MUC12: variants seen among roughly 807,000 people sequenced by gnomAD.
MUC12 encodes mucin-12.
In MUC12, 172 loss-of-function variants were observed where a neutral mutation model predicts 230.8. The observed-to-expected ratio is 0.75, with a 90% CI of 0.66 to 0.85. The LOEUF (loss-of-function observed/expected upper bound fraction) is 0.85. Among genes scored for constraint, MUC12 ranks in the 40% least tolerant of loss-of-function variants. The probability of loss-of-function intolerance (pLI) is 0.00; values close to 1 mark genes in which losing one functional copy is unlikely to be tolerated. For missense variants in MUC12, 3,506 were observed against 5,920.6 expected, an observed-to-expected ratio of 0.59 and a Z score of 13.38; for synonymous variants, 1,259 against 2,401.9, an observed-to-expected ratio of 0.52 and a Z score of 13.91.
At chr7:100,986,316 G>C (rs1019270327) in intron 1 of MUC12, among the ~76,000 whole-genome samples, 2 of 151,796 alleles carry the variant, frequency 1.3e-5, no homozygotes, top group African/African-American at 4.8e-5. Context: ...AGTTACTCCA[G>C]CCTAGAAGTA....
intron 9 of MUC12, among the ~76,000 whole-genome samples, 163 bp from the exon 10 acceptor site, chr7:101,015,452 G>A (rs1584848736): frequency 6.6e-6 from 1 of 152,198 alleles, no homozygotes; most frequent in East Asian, 1.9e-4. Context: ...TGGTAGAAGG[G>A]AAGCCATGGT....
intron 9 of MUC12, among the ~76,000 whole-genome samples, chr7:101,014,713 A>G (rs954973859): frequency 7.9e-5 from 12 of 152,054 alleles, no homozygotes; most frequent in African/African-American, 2.9e-4. Flanking sequence ...CCTGACCTTG[A>G]GTGATCCACC....
At chr7:100,978,594 C>T (rs1793064610) in intron 1 of MUC12, among the ~76,000 whole-genome samples, 2 of 152,116 alleles carry the variant, frequency 1.3e-5, no homozygotes, top group African/African-American at 4.8e-5. Context: ...GGGGGCTCCC[C>T]ACACTGCCAC....
In MUC12 at chr7:100,991,839, G is replaced by T. The variant is rs764516777; in HGVS notation, c.1276G>T (p.Asp426Tyr). ...CTCAACTGAAACAACACACTTCCGT[G>T]ATAGCTCCACAATCTCAGGCCGTAG... ...LGSTETTHFRDSSTISGRSEE... is the reference protein window; with the variant it reads ...LGSTETTHFRYSSTISGRSEE... The change falls in exon 2 of 12, where the codon GAT (aspartate) becomes TAT (tyrosine). Residue 426 changes from aspartate (D) to tyrosine (Y), a missense_variant. Asp to Tyr is a radical substitution (Grantham distance 160). Transcript: ENST00000536621. 4.6e-6 allele frequency: 7 copies of T among 1,537,538 alleles called. No homozygotes were observed. Among genetic ancestry groups the T allele is most frequent in the Non-Finnish European group, 5.2e-6 (6 of 1,146,832 alleles).
intron 1 of MUC12, among the ~76,000 whole-genome samples, chr7:100,970,466 G>A (rs1286391052): frequency 4.3e-5 from 6 of 140,666 alleles, no homozygotes; most frequent in African/African-American, 1.1e-4. Context: ...CAGCCTGGGC[G>A]ATAAGAGCAA....
rs952823361 is a variant in MUC12 at position 100,991,435 on chromosome 7, C to T, written c.872C>T (p.Pro291Leu). ...WPSSKDTSPA[P>L]SGTTSAFVKL... The stretch of plus-strand genomic sequence containing the variant: ...AGCTCAAAGGACACTTCGCCTGCAC[C>T]TTCTGGTACCACATCAGCCTTTGTT... The change falls in exon 2 of 12, where the codon CCT becomes CTT. Residue 291 changes from proline (P) to leucine (L), a missense_variant. Transcript: ENST00000536621. 6.5e-6 allele frequency: 10 copies of T among 1,537,696 alleles called. No individual in the cohort carries two copies. The African/African-American group carries it at 9.6e-5, about 15-fold the overall frequency.
chr7:101,005,071 G>T lies in MUC12; in HGVS notation c.14508G>T (p.Val4836=), dbSNP rs1056894241. The change falls in exon 2 of 12, where the codon GTG becomes GTT. Residue 4836 remains valine, a synonymous_variant. Transcript: ENST00000536621. ...HSQPGSALST[V]SPASTTVPGL... ...AACCAGGCTCAGCTCTGTCAACAGT[G>T]TCACCTGCCAGCACCACAGTGCCAG... The T allele has an allele frequency of 6.5e-7, 1 of 1,537,710 alleles. No individual in the cohort carries two copies. The highest frequency in any genetic ancestry group is 8.7e-7 in the Non-Finnish European group (1 of 1,147,018).
chr7:100,990,235 T>C (rs1193021779), intron 1 of MUC12, among the ~76,000 whole-genome samples: 1 of 152,188 alleles, frequency 6.6e-6, no homozygotes, highest in Non-Finnish European at 1.5e-5. Context: ...CGGCATGAGA[T>C]TCTTCCAGGA....
Position 101,004,837 on chromosome 7 carries a change from A to C in MUC12, c.14274A>C (p.Thr4758=), listed in dbSNP as rs1332247150. ...PDQTLSPASM[T]SSSISGEPTS... ...AAACACTCTCACCTGCCAGCATGAC[A>C]AGCTCCAGCATCAGTGGAGAACCCA... Residue 4758 remains threonine, a synonymous_variant, in exon 2 of 12, where the codon ACA becomes ACC. Transcript: ENST00000536621. The C allele has an allele frequency of 6.5e-7, 1 of 1,537,158 alleles. No individual in the cohort carries two copies.
rs1375186186 is a variant in MUC12 at position 100,975,436 on chromosome 7, AG to A, written c.67+5751del. On this transcript the variant is annotated intron_variant, in intron 1 of 11. Coordinates refer to ENST00000536621, the MANE Select transcript of MUC12 (RefSeq NM_001164462.2). ...GAACAGATTGCTTCACAATAGACAA[AG>A]GGGCAACCTTTGAAACTCAAGTGAT... Among the ~76,000 whole-genome samples, 3 of 152,312 alleles carry A rather than the reference AG, an allele frequency of 2.0e-5. No homozygotes were observed. The East Asian group carries it at 5.8e-4, about 29-fold the overall frequency.
At position 100,977,856 on chromosome 7, in the gene MUC12, C is replaced by T. The variant is rs1375358153; in HGVS notation, c.67+8167C>T. On this transcript the variant is annotated intron_variant, in intron 1 of 11. Transcript: ENST00000536621. The stretch of plus-strand genomic sequence containing the variant: ...GTGCTGGGATTACAAGCGTGAGCCA[C>T]CGTGCCTGGCCAGCCTTTTCTAGCT... 2.6e-5 allele frequency among the ~76,000 whole-genome samples: 4 copies of T among 152,220 alleles called. No individual in the cohort carries two copies. The East Asian group carries it at 7.7e-4, about 29-fold the overall frequency.
intron 1 of MUC12, among the ~76,000 whole-genome samples, chr7:100,970,697 C>A (rs1190325885): frequency 6.6e-6 from 1 of 152,056 alleles, no homozygotes; most frequent in Non-Finnish European, 1.5e-5. Context: ...CATGGTGAAA[C>A]CCCAACTCCA....
chr7:101,005,955 GCCTA>G (rs1364801840), intron 2 of MUC12, among the ~76,000 whole-genome samples: 1 of 151,972 alleles, frequency 6.6e-6, no homozygotes, highest in African/African-American at 2.4e-5. Context: ...CCACCACCAT[GCCTA>G]CCTAATTTTT....
intron 9 of MUC12, chr7:101,014,299 T>A: frequency 2.3e-6 from 1 of 438,718 alleles, no homozygotes; most frequent in Non-Finnish European, 4.0e-6. Context: ...TGTGCTATTA[T>A]AACAGAATAC....
rs1412032808 is a variant in MUC12 at position 101,006,552 on chromosome 7, C to T, written c.15038C>T (p.Pro5013Leu). 5.9e-6 allele frequency: 9 copies of T among 1,536,842 alleles called. No individual in the cohort carries two copies. Among genetic ancestry groups the T allele is most frequent in the Non-Finnish European group, 7.8e-6 (9 of 1,146,550 alleles). ...QGYVGYQCLS[P>L]LESFPVETPE... ...TACGTTGGTTACCAGTGCTTGTCCCCTCTGGAATCCTTCCCTGTAGGTAAT... is the reference window on the plus strand; with the variant it reads ...TACGTTGGTTACCAGTGCTTGTCCCTTCTGGAATCCTTCCCTGTAGGTAAT... Residue 5013 changes from proline to leucine, a missense_variant, in exon 3 of 12, where the codon CCT (proline) becomes CTT (leucine). Physicochemically the swap from Pro to Leu is moderately conservative, Grantham distance 98 (BLOSUM62 -3). Coordinates refer to ENST00000536621, the MANE Select transcript of MUC12 (RefSeq NM_001164462.2).
In MUC12 at chr7:100,990,987, A is replaced by G. The variant is rs1182935803; in HGVS notation, c.424A>G (p.Ser142Gly). 3 of 1,537,918 alleles carry G rather than the reference A, an allele frequency of 2.0e-6. No individual in the cohort carries two copies. Among genetic ancestry groups the G allele is most frequent in the Non-Finnish European group, 2.6e-6 (3 of 1,147,054 alleles). The change falls in exon 2 of 12, where the codon AGT becomes GGT. Residue 142 changes from serine (S) to glycine (G), a missense_variant. Ser to Gly is a moderately conservative substitution (Grantham distance 56). Transcript: ENST00000536621. The part of the protein sequence containing the change: ...GLSEKSTTFY[S>G]SPRSPDRTLS... ...GAGTGAGAAATCTACCACCTTCTAC[A>G]GTAGCCCCAGATCACCAGACAGAAC...
chr7:101,013,120 C>T lies in MUC12; in HGVS notation c.15616C>T (p.Gln5206Ter). The change falls in exon 8 of 12, where the codon CAA becomes TAA. Residue 5206 changes from glutamine to a stop codon, truncating the protein, a stop_gained. Coordinates refer to ENST00000536621, the MANE Select transcript of MUC12 (RefSeq NM_001164462.2). LOFTEE classifies it high-confidence loss of function. ...MNCNLGTCQLQRSGPRCLCPN... is the reference protein window; with the variant it reads ...MNCNLGTCQL ...CTGTAACCTGGGCACATGTCAGCTGCAACGCAGTGGCCCCCGCTGCCTGTG... is the reference window on the plus strand; with the variant it reads ...CTGTAACCTGGGCACATGTCAGCTGTAACGCAGTGGCCCCCGCTGCCTGTG... 1 of 1,537,300 alleles carries T rather than the reference C, an allele frequency of 6.5e-7. No homozygotes were observed. The highest frequency in any genetic ancestry group is 8.7e-7 in the Non-Finnish European group (1 of 1,146,918).
In MUC12 at chr7:101,005,122, C is replaced by T; in HGVS notation, c.14559C>T (p.Phe4853=). The T allele has an allele frequency of 2.0e-6, 3 of 1,537,988 alleles. No homozygotes were observed. The highest frequency in any genetic ancestry group is 1.2e-5 in the South Asian group (1 of 84,068). ...GCCTTAGTGAGGAATCTACCACCTTCTACAGCAGCCCAGGCTCAACTGAAA... is the reference window on the plus strand; with the variant it reads ...GCCTTAGTGAGGAATCTACCACCTTTTACAGCAGCCCAGGCTCAACTGAAA... The part of the protein sequence containing the change: ...VPGLSEESTT[F]YSSPGSTETT... The change falls in exon 2 of 12, where the codon TTC becomes TTT. Residue 4853 remains phenylalanine, a synonymous_variant. Coordinates refer to ENST00000536621, the MANE Select transcript of MUC12 (RefSeq NM_001164462.2).
At chr7:100,983,321 G>A (rs2116282615) in intron 1 of MUC12, among the ~76,000 whole-genome samples, 1 of 151,974 alleles carries the variant, frequency 6.6e-6, no homozygotes, top group East Asian at 1.9e-4. Context: ...TTGGGAGGCT[G>A]AGGCAGGAGA....
Sources: gnomAD v4.1 joint callset for allele counts (sites outside exome capture counted in the v4.1 genomes callset) on GRCh38, gnomAD v4.1.1 for gene constraint, MANE v1.5 for transcripts, NCBI Gene and HGNC (gene_info 2026-07-23, HGNC 2026-07-21) for gene names.